The following FANCI variants were observed in gnomAD, a reference collection of about 807,000 sequenced individuals.
FANCI encodes FA complementation group I, also known as Fanconi anemia group I protein.
A neutral mutation model predicts 176.1 loss-of-function variants in FANCI; 156 were observed. The ratio of observed to expected loss-of-function variants is 0.89; its 90% CI spans 0.78 to 1.01. FANCI has a LOEUF of 1.01. Among genes scored for constraint, FANCI ranks in the 50% least tolerant of loss-of-function variants. FANCI has a pLI of 0.00. For missense variants in FANCI, 1,678 were observed against 1,534.1 expected, an observed-to-expected ratio of 1.09 and a Z score of -1.57; for synonymous variants, 613 against 541.7, an observed-to-expected ratio of 1.13 and a Z score of -1.83.
At chr15:89,305,736 G>A in intron 31 of FANCI, 38 bp downstream of exon 31, 1 of 1,591,006 alleles carries the variant, frequency 6.3e-7, no homozygotes, top group Non-Finnish European at 8.6e-7. Flanking sequence ...GAATTGACAT[G>A]AGCAAGGTCA....
chr15:89,280,321 A>G (rs1407976411), intron 14 of FANCI, among the ~76,000 whole-genome samples: 2 of 152,162 alleles, frequency 1.3e-5, no homozygotes, highest in Non-Finnish European at 2.9e-5. Context: ...CACCTGGCCA[A>G]ATTGTCAGCT....
intron 2 of FANCI, among the ~76,000 whole-genome samples, chr15:89,255,517 A>G (rs74033570): frequency 0.034 from 5,252 of 152,260 alleles, 299 homozygotes; most frequent in African/African-American, 0.12. Context: ...AATATCACCA[A>G]TGAGGGACAG....
chr15:89,278,514 A>C (rs755635855), intron 13 of FANCI, among the ~76,000 whole-genome samples, 173 bp from the exon 14 acceptor site: 1 of 152,218 alleles, frequency 6.6e-6, no homozygotes, highest in Non-Finnish European at 1.5e-5. Flanking sequence ...TCATCTAAGC[A>C]CAGAACAAGG....
At chr15:89,257,039 T>G (rs2052526798) in intron 2 of FANCI, among the ~76,000 whole-genome samples, 1 of 152,184 alleles carries the variant, frequency 6.6e-6, no homozygotes, top group Non-Finnish European at 1.5e-5. Flanking sequence ...CCCAAGTAGC[T>G]GGGACTACAG....
At chr15:89,315,883 A>G (rs762822175) in intron 37 of FANCI, among the ~76,000 whole-genome samples, 4 of 152,206 alleles carry the variant, frequency 2.6e-5, no homozygotes, top group Admixed American at 6.5e-5. Flanking sequence ...TTTGAAACAG[A>G]ACCCAATGTT....
At chr15:89,254,617 A>G (rs2052414211) in intron 2 of FANCI, among the ~76,000 whole-genome samples, 1 of 152,234 alleles carries the variant, frequency 6.6e-6, no homozygotes, top group Non-Finnish European at 1.5e-5. Flanking sequence ...CAGCTTGGAC[A>G]ACATAGTGAG....
At chr15:89,295,804 C>T (rs1004467663) in intron 24 of FANCI, among the ~76,000 whole-genome samples, 6 of 137,042 alleles carry the variant, frequency 4.4e-5, no homozygotes, top group African/African-American at 1.4e-4. Context: ...GAGAGAGTCT[C>T]GCTCTATTGC....
chr15:89,270,912 G>C (rs1417338889), intron 10 of FANCI, among the ~76,000 whole-genome samples: 1 of 152,082 alleles, frequency 6.6e-6, no homozygotes, highest in Admixed American at 6.5e-5. Flanking sequence ...CTGTAGGAAA[G>C]GATATTTAAA....
chr15:89,307,595 T>C lies in FANCI; in HGVS notation c.3592-18T>C, dbSNP rs912421961. On this transcript the variant is annotated intron_variant, in intron 33 of 37. Coordinates refer to ENST00000310775, the MANE Select transcript of FANCI (RefSeq NM_001113378.2). ...TTTACTGCTGGTTACATTGGTTTCC[T>C]TCTCCCTTGTTGTGCAGGTGAAGCT... The C allele has an allele frequency of 1.2e-6, 2 of 1,614,222 alleles. No homozygotes were observed. Among genetic ancestry groups the C allele is most frequent in the Non-Finnish European group, 1.7e-6 (2 of 1,180,034 alleles).
intron 10 of FANCI, among the ~76,000 whole-genome samples, chr15:89,269,163 C>T (rs1596259867): frequency 6.6e-6 from 1 of 152,238 alleles, no homozygotes; most frequent in East Asian, 1.9e-4. Context: ...GACACTTTGC[C>T]ACATTTACCT....
At chr15:89,278,587 A>G in intron 13 of FANCI, 100 bp from the exon 14 acceptor site, 1 of 809,954 alleles carries the variant, frequency 1.2e-6, no homozygotes, top group South Asian at 1.4e-5. Context: ...TTTGAGTTTT[A>G]CTCATATCCA....
At chr15:89,298,580 A>G (rs2054402439) in intron 24 of FANCI, among the ~76,000 whole-genome samples, 1 of 152,210 alleles carries the variant, frequency 6.6e-6, no homozygotes. Context: ...GCAAATTATA[A>G]TGAAAGTAAT....
Position 89,277,605 on chromosome 15 carries a change from C to T in FANCI, c.1293+714C>T, listed in dbSNP as rs1453561906. 5.6e-5 allele frequency among the ~76,000 whole-genome samples: 7 copies of T among 125,298 alleles called. No homozygotes were observed. In the East Asian group the frequency reaches 1.6e-3, roughly 28 times the overall value. 82.2% of individuals were successfully genotyped at this position (125,298 alleles called of 152,430 possible). A position where few individuals can be genotyped will look rare whatever the true frequency, so the allele number is the denominator to read the frequency against. On this transcript the variant is annotated intron_variant, in intron 13 of 37. Coordinates refer to ENST00000310775, the MANE Select transcript of FANCI (RefSeq NM_001113378.2). ...CCAGCCTGGGTAACAAAGTGAGATC[C>T]TATCTCAAAAAAAAAAAAAAAAAAA...
At chr15:89,316,332 CTTTT>C (rs1216905796) in intron 37 of FANCI, 61 bp from the exon 38 acceptor site, 12 of 1,481,264 alleles carry the variant, frequency 8.1e-6, no homozygotes, top group Admixed American at 2.0e-5. Context: ...TTTTTTCCTT[CTTTT>C]TATTTCCACT....
At chr15:89,298,350 A>G (rs1327273655) in intron 24 of FANCI, among the ~76,000 whole-genome samples, 1 of 152,236 alleles carries the variant, frequency 6.6e-6, no homozygotes, top group Non-Finnish European at 1.5e-5. Context: ...TATCTAGATA[A>G]TCCCCATATA....
chr15:89,275,471 C>A (rs1177305951), intron 12 of FANCI, among the ~76,000 whole-genome samples: 1 of 152,100 alleles, frequency 6.6e-6, no homozygotes, highest in Non-Finnish European at 1.5e-5. Flanking sequence ...TTTAAAGTTT[C>A]ATAATTTAAG....
Position 89,306,046 on chromosome 15 carries a change from T to A in FANCI, c.3389T>A (p.Val1130Asp), listed in dbSNP as rs764412863. The part of the protein sequence containing the change: ...SSQATLPNQP[V>D]EKAIIMQLGT... ...CAGGCAACCCTACCAAATCAGCCTG[T>A]TGAGAAAGCTATCATCATGCAACTG... is the stretch of plus-strand genomic sequence containing the variant. The change falls in exon 32 of 38, where the codon GTT (valine) becomes GAT (aspartate). Residue 1130 changes from valine to aspartate, a missense_variant. Val to Asp is a radical substitution (Grantham distance 152). Transcript: ENST00000310775. The A allele has an allele frequency of 3.1e-6, 5 of 1,614,218 alleles. No individual in the cohort carries two copies. Among genetic ancestry groups the A allele is most frequent in the East Asian group, 2.2e-5 (1 of 44,888 alleles).
At chr15:89,255,597 C>T (rs1278422782) in intron 2 of FANCI, among the ~76,000 whole-genome samples, 3 of 152,028 alleles carry the variant, frequency 2.0e-5, no homozygotes, top group Admixed American at 6.5e-5. Flanking sequence ...CTTGTGAGAC[C>T]GCATAAACTC....
Position 89,292,872 on chromosome 15 carries a change from C to G in FANCI, c.2169+8C>G, listed in dbSNP as rs534051118. The G allele has an allele frequency of 5.2e-5, 84 of 1,614,070 alleles. No homozygotes were observed. The highest frequency in any genetic ancestry group is 6.9e-5 in the Non-Finnish European group (81 of 1,179,998). On this transcript the variant is annotated splice_region_variant and intron_variant, in intron 21 of 37. Transcript: ENST00000310775. ...CTGGAAGACTTTGAACTGGTAATTG[C>G]TAAGTCCTCAGCTGTATTGAATGAT...
Sources: allele counts gnomAD v4.1 joint callset (sites outside exome capture counted in the v4.1 genomes callset), GRCh38; gene constraint gnomAD v4.1.1; transcripts MANE v1.5; gene names NCBI Gene and HGNC (gene_info 2026-07-23, HGNC 2026-07-21).